The following EML2 variants were observed in gnomAD, a reference collection of about 807,000 sequenced individuals.
EML2 encodes echinoderm microtubule-associated protein-like 2.
EML2 carries 59 observed loss-of-function variants against 84.7 expected under a neutral mutation model. That is an observed-to-expected ratio of 0.70 (90% CI 0.56 to 0.86). The LOEUF (loss-of-function observed/expected upper bound fraction) is 0.86. EML2 is among the 40% of genes least tolerant of loss of function. EML2 has a pLI of 0.00. For synonymous variants in EML2, 352 were observed against 348.9 expected, an observed-to-expected ratio of 1.01 and a Z score of -0.10; for missense variants, 818 against 855.6, an observed-to-expected ratio of 0.96 and a Z score of 0.55.
At chr19:45,621,436 CG>C (rs752065381) in intron 10 of EML2, 46 bp downstream of exon 10, 87 of 1,583,450 alleles carry the variant, frequency 5.5e-5, no homozygotes, top group Admixed American at 3.2e-4. Context: ...CTGGTGAGAT[CG>C]GGGGGGGCCT....
At position 45,626,744 on chromosome 19, in the gene EML2, C is replaced by T. The variant is rs148459969; in HGVS notation, c.702G>A (p.Leu234=). ...CGKSHIYFWT[L]EGGSLSKRQG... ...GCCGCTTGCTCAAGCTGCCCCCCTC[C>T]AAGGTCCAGAAGTAGATGTGAGATT... Residue 234 remains leucine (L), a synonymous_variant, in exon 8 of 19, where the codon TTG becomes TTA. Coordinates refer to ENST00000245925, the MANE Select transcript of EML2 (RefSeq NM_012155.4). 6.2e-7 allele frequency: 1 copy of T among 1,613,692 alleles called. No homozygotes were observed. The highest frequency in any genetic ancestry group is 8.5e-7 in the Non-Finnish European group (1 of 1,179,930).
upstream of EML2, chr19:45,639,462 G>GCGCCCCTGCCC: frequency 8.2e-7 from 1 of 1,223,660 alleles, no homozygotes; most frequent in Non-Finnish European, 1.0e-6. Flanking sequence ...CCGGGCCGCC[G>GCGCCCCTGCCC]CGCCCCTGCC....
chr19:45,619,792 C>T (rs936230218), intron 11 of EML2, among the ~76,000 whole-genome samples: 8 of 152,180 alleles, frequency 5.3e-5, no homozygotes, highest in Non-Finnish European at 1.2e-4. Context: ...CGGTGGCTCA[C>T]GCCGGTAATC....
upstream of EML2, chr19:45,644,963 C>T: frequency 2.0e-6 from 1 of 489,670 alleles, no homozygotes. Context: ...AGAGAAAGGG[C>T]AGAGTTCCAG....
At chr19:45,642,593 T>G, upstream of EML2, 1 of 1,247,556 alleles carries the variant, frequency 8.0e-7, no homozygotes, top group Non-Finnish European at 1.0e-6. Context: ...CCGTGTGACC[T>G]TGGGGAAGTC....
chr19:45,631,884 ATTTTT>A (rs755529171), intron 6 of EML2, among the ~76,000 whole-genome samples: 1 of 90,318 alleles, frequency 1.1e-5, no homozygotes, highest in Non-Finnish European at 2.1e-5. Context: ...GCTAATTAGA[ATTTTT>A]TTTTTTTTTT....
At chr19:45,621,030 G>T in intron 11 of EML2, 177 bp downstream of exon 11, 2 of 973,444 alleles carry the variant, frequency 2.1e-6, no homozygotes, top group Non-Finnish European at 3.1e-6. Flanking sequence ...TGCTGTGCTT[G>T]GAGTTAAACT....
intron 15 of EML2, 43 bp from the exon 16 acceptor site, chr19:45,615,932 G>A (rs763917850): frequency 3.4e-6 from 5 of 1,450,740 alleles, no homozygotes; most frequent in Non-Finnish European, 4.8e-6. Flanking sequence ...GCAGAGGGCG[G>A]AACCAAGGAG....
rs967203926 is a variant in EML2 at position 45,613,542 on chromosome 19, C to A, written c.1823G>T (p.Arg608Leu). 2 of 1,613,848 alleles carry A rather than the reference C, an allele frequency of 1.2e-6. No individual in the cohort carries two copies. Among genetic ancestry groups the A allele is most frequent in the Admixed American group, 1.7e-5 (1 of 59,994 alleles). ...TCCCCATCTCCCCAAGGGACTCACT[C>A]GAGGCTGACAGCAGGGGTAGCTAAA... ...HLFSYPCCQP[R>L]ALSHKYGGHS... The change falls in exon 18 of 19, where the codon CGA (arginine) becomes CTA (leucine). Residue 608 changes from arginine (R) to leucine (L), a missense_variant and splice_region_variant. Arg to Leu is a moderately radical substitution (Grantham distance 102, BLOSUM62 -2). Coordinates refer to ENST00000245925, the MANE Select transcript of EML2 (RefSeq NM_012155.4).
rs1019544817 is a variant in EML2, at chr19:45,622,061, A to G, written c.842-424T>C. ...CCCGGCCCCACCTTTCGACCTTTCT[A>G]TCTGCTCTTCCACCCACCCAACCAC... On this transcript the variant is annotated intron_variant, in intron 9 of 18. Coordinates refer to ENST00000245925, the MANE Select transcript of EML2 (RefSeq NM_012155.4). 9.9e-5 allele frequency among the ~76,000 whole-genome samples: 15 copies of G among 151,966 alleles called. 1 individual carries two copies. Among genetic ancestry groups the G allele is most frequent in the Middle Eastern group, 3.4e-3 (1 of 294 alleles).
At chr19:45,626,620 C>A (rs991369918) in intron 8 of EML2, 85 bp downstream of exon 8, 6 of 1,479,934 alleles carry the variant, frequency 4.1e-6, no homozygotes, top group Non-Finnish European at 5.5e-6. Flanking sequence ...ACCCCTGCCA[C>A]CCTCTGGGGG....
intron 18 of EML2, among the ~76,000 whole-genome samples, chr19:45,611,081 G>A (rs1329722289): frequency 2.0e-5 from 3 of 151,822 alleles, no homozygotes; most frequent in Non-Finnish European, 2.9e-5. Context: ...AGGAATTAAC[G>A]TTTTGTTTTT....
At chr19:45,618,728 C>T (rs1971361837) in intron 12 of EML2, 1 of 156,432 alleles carries the variant, frequency 6.4e-6, no homozygotes, top group Non-Finnish European at 1.4e-5. Context: ...GCGGGCGGAT[C>T]ACGAGGTCAG....
At chr19:45,617,797 C>A in intron 12 of EML2, 100 bp from the exon 13 acceptor site, 1 of 1,013,066 alleles carries the variant, frequency 9.9e-7, no homozygotes, top group Non-Finnish European at 1.5e-6. Context: ...TGCATGAGGG[C>A]TCTCCCCTCC....
intron 6 of EML2, among the ~76,000 whole-genome samples, chr19:45,630,470 T>C (rs1422913062): frequency 6.7e-6 from 1 of 149,620 alleles, no homozygotes; most frequent in East Asian, 2.0e-4. Flanking sequence ...GGAGAATCGC[T>C]TGAACTGGGA....
chr19:45,642,438 G>A (rs1253907379), upstream of EML2: 5 of 1,472,258 alleles, frequency 3.4e-6, no homozygotes, highest in African/African-American at 2.8e-5. Context: ...GGTCTAAGCG[G>A]GGGGCCAGCC....
chr19:45,643,964 T>C (rs1600258059), upstream of EML2, among the ~76,000 whole-genome samples: 3 of 152,268 alleles, frequency 2.0e-5, no homozygotes, highest in Middle Eastern at 3.4e-3. Context: ...AGGAGGCTAG[T>C]AGGAGTGTGC....
intron 8 of EML2, among the ~76,000 whole-genome samples, chr19:45,625,322 C>A (rs937618133): frequency 2.6e-5 from 4 of 152,200 alleles, no homozygotes; most frequent in African/African-American, 7.2e-5. Flanking sequence ...CTCACTGCAA[C>A]CTCCACCTCC....
Position 45,624,836 on chromosome 19 carries a change from A to G in EML2, c.742-18T>C. ...TCATGTTTCTAAGGTGGGGGAGGAA[A>G]GGAAGGTGTCAGAGCGTCACTGAAG... On this transcript the variant is annotated intron_variant, in intron 8 of 18. Coordinates refer to ENST00000245925, the MANE Select transcript of EML2 (RefSeq NM_012155.4). 1 of 1,588,580 alleles carries G rather than the reference A, an allele frequency of 6.3e-7. No individual in the cohort carries two copies. Among genetic ancestry groups the G allele is most frequent in the Non-Finnish European group, 8.6e-7 (1 of 1,162,766 alleles).
Sources: gnomAD v4.1 joint callset for allele counts (sites outside exome capture counted in the v4.1 genomes callset) on GRCh38, gnomAD v4.1.1 for gene constraint, MANE v1.5 for transcripts, NCBI Gene and HGNC (gene_info 2026-07-23, HGNC 2026-07-21) for gene names.